Variants in SLC25A4 observed in about 807,000 individuals in gnomAD.
SLC25A4 encodes the protein solute carrier family 25 member 4, also known as ADP/ATP translocase 1.
A neutral mutation model predicts 24.7 loss-of-function variants in SLC25A4; 10 were observed. The observed-to-expected ratio is 0.41, with a 90% CI of 0.25 to 0.69. The LOEUF (loss-of-function observed/expected upper bound fraction) is 0.69. SLC25A4 is among the 30% of genes least tolerant of loss of function. The probability of loss-of-function intolerance (pLI) is 0.35; values close to 1 mark genes in which losing one functional copy is unlikely to be tolerated. For synonymous variants in SLC25A4, 125 were observed against 153.3 expected (o/e 0.82, Z 1.36); for missense variants, 273 against 387.6 (o/e 0.70, Z 2.48).
chr4:185,146,019 A>C lies in SLC25A4; in HGVS notation c.739+120A>C, dbSNP rs1734436055. The C allele has an allele frequency of 3.3e-6, 4 of 1,216,108 alleles. No individual in the cohort carries two copies. In the African/African-American group the frequency reaches 6.0e-5, roughly 18 times the overall value. 75.3% of individuals were successfully genotyped at this position (1,216,108 alleles called of 1,614,324 possible). A position where few individuals can be genotyped will look rare whatever the true frequency, so the allele number is the denominator to read the frequency against. On this transcript the variant is annotated intron_variant, in intron 3 of 3. Coordinates refer to ENST00000281456, the MANE Select transcript of SLC25A4 (RefSeq NM_001151.4). ...TTTCAAAATTATTTGATAAGGACTT[A>C]GGGAAGAAAGATGGTATTAATTCCC...
chr4:185,145,136 A>G lies in SLC25A4; in HGVS notation c.484A>G (p.Ile162Val). ...REFHGLGDCIIKIFKSDGLRG... is the reference protein window; with the variant it reads ...REFHGLGDCIVKIFKSDGLRG... ...GTTCCATGGTCTGGGCGACTGTATC[A>G]TCAAGATCTTCAAGTCTGATGGCCT... Residue 162 changes from isoleucine (I) to valine (V), a missense_variant, in exon 2 of 4, where the codon ATC becomes GTC. Ile to Val is a conservative substitution (Grantham distance 29, BLOSUM62 3). Transcript: ENST00000281456. This position sits in a 1 kb window ranked among gnomAD's most constrained non-coding sequence, Gnocchi z 5.5. The G allele has an allele frequency of 6.2e-7, 1 of 1,613,056 alleles. No homozygotes were observed. Among genetic ancestry groups the G allele is most frequent in the South Asian group, 1.1e-5 (1 of 91,044 alleles).
Position 185,147,259 on chromosome 4 carries a change from A to T in SLC25A4, c.*288A>T, listed in dbSNP as rs2111287994. 2 of 339,472 alleles carry T rather than the reference A, an allele frequency of 5.9e-6. No homozygotes were observed. The highest frequency in any genetic ancestry group is 8.5e-5 in the South Asian group (2 of 23,530). 21.0% of individuals were successfully genotyped at this position (339,472 alleles called of 1,614,324 possible). On this transcript the variant is annotated 3_prime_UTR_variant, in exon 4 of 4. Coordinates refer to ENST00000281456, the MANE Select transcript of SLC25A4 (RefSeq NM_001151.4). ...AACTGAATGTGAAACATCAATAAAG[A>T]CCACTTAATGCACGCTTTCTATTTT...
At position 185,149,171 on chromosome 4, in the gene SLC25A4, ACT is replaced by A. The variant is rs1308083772; in HGVS notation, c.*2203_*2204del. 1 of 152,122 alleles carries A rather than the reference ACT, an allele frequency of 6.6e-6. No homozygotes were observed. Among genetic ancestry groups the A allele is most frequent in the Non-Finnish European group, 1.5e-5 (1 of 68,050 alleles). 9.4% of individuals were successfully genotyped at this position (152,122 alleles called of 1,614,324 possible). Reference sequence around the variant, plus strand: ...TTGCTTTTCGTTCTAAGTGATCCAAACTCTATTGCTGATAGGGAATAAAAGCA... The same window carrying A: ...TTGCTTTTCGTTCTAAGTGATCCAAACTATTGCTGATAGGGAATAAAAGCA... On this transcript the variant is annotated 3_prime_UTR_variant, in exon 4 of 4. Transcript: ENST00000281456.
rs1734498680 is a variant in SLC25A4, at chr4:185,149,424, A to C, written c.*2453A>C. On this transcript the variant is annotated 3_prime_UTR_variant, in exon 4 of 4. Transcript: ENST00000281456. ...TCTACATTCTCTGCATGTGACCCAG[A>C]TGTCAGCCCTTCCGCTTCCTGCGAA... 1 of 152,274 alleles carries C rather than the reference A, an allele frequency of 6.6e-6. No homozygotes were observed. Among genetic ancestry groups the C allele is most frequent in the Admixed American group, 6.5e-5 (1 of 15,278 alleles). 9.4% of individuals were successfully genotyped at this position (152,274 alleles called of 1,614,324 possible).
In SLC25A4 at chr4:185,147,772, AGTTTGAGACC is replaced by A. The variant is rs1031742428; in HGVS notation, c.*802_*811del. ...GGTGGGCGTATCACTTCAGGCCAGG[AGTTTGAGACC>A]AGCCTGGCCAACCGAGCGAAACCCC... On this transcript the variant is annotated 3_prime_UTR_variant, in exon 4 of 4. Transcript: ENST00000281456. The A allele has an allele frequency of 4.6e-5, 7 of 152,244 alleles. No individual in the cohort carries two copies. Among genetic ancestry groups the A allele is most frequent in the African/African-American group, 1.7e-4 (7 of 41,516 alleles). 9.4% of individuals were successfully genotyped at this position (152,244 alleles called of 1,614,324 possible). A position where few individuals can be genotyped will look rare whatever the true frequency, so the allele number is the denominator to read the frequency against.
chr4:185,145,575 G>C lies in SLC25A4; in HGVS notation c.599-184G>C. 1.4e-6 allele frequency: 1 copy of C among 730,212 alleles called. No homozygotes were observed. Among genetic ancestry groups the C allele is most frequent in the Non-Finnish European group, 2.2e-6 (1 of 451,384 alleles). The allele number at this position is 730,212 out of a possible 1,614,324, so 45.2% of individuals were successfully genotyped here. ...TACAAGCTGAGCACTGCCCCTCCGGGGTCCGGAGAGGGCAGCAGCCACCTT... is the reference window on the plus strand; with the variant it reads ...TACAAGCTGAGCACTGCCCCTCCGGCGTCCGGAGAGGGCAGCAGCCACCTT... On this transcript the variant is annotated intron_variant, in intron 2 of 3. Coordinates refer to ENST00000281456, the MANE Select transcript of SLC25A4 (RefSeq NM_001151.4). The surrounding 1 kb of genome is among the most constrained non-coding windows in gnomAD (Gnocchi z 5.5).
In SLC25A4 at chr4:185,145,639, G is replaced by A. The variant is rs1734428604; in HGVS notation, c.599-120G>A. 2 of 1,263,708 alleles carry A rather than the reference G, an allele frequency of 1.6e-6. No homozygotes were observed. Among genetic ancestry groups the A allele is most frequent in the Non-Finnish European group, 2.2e-6 (2 of 892,468 alleles). 78.3% of individuals were successfully genotyped at this position (1,263,708 alleles called of 1,614,324 possible). ...GTCATATGTGAAGCACCTGCACAGG[G>A]GCAGGTTCCCCGCAAGGTCAGAGCA... is the stretch of plus-strand genomic sequence containing the variant. On this transcript the variant is annotated intron_variant, in intron 2 of 3. Transcript: ENST00000281456. This position sits in a 1 kb window ranked among gnomAD's most constrained non-coding sequence, Gnocchi z 5.5.
At chr4:185,143,623 GCCC>G (rs1734386498) in intron 1 of SLC25A4, 140 bp downstream of exon 1, 1 of 80,880 alleles carries the variant, frequency 1.2e-5, no homozygotes, top group East Asian at 2.8e-4. Flanking sequence ...CCGCCCGCCC[GCCC>G]GCCCGCGGGG....
chr4:185,143,799 C>T (rs1352199183), intron 1 of SLC25A4, among the ~76,000 whole-genome samples: 1 of 152,050 alleles, frequency 6.6e-6, no homozygotes, highest in Non-Finnish European at 1.5e-5. Context: ...CACTCAGGCC[C>T]GGAGGCACCT....
At position 185,148,325 on chromosome 4, in the gene SLC25A4, G is replaced by C. The variant is rs1734479775; in HGVS notation, c.*1354G>C. On this transcript the variant is annotated 3_prime_UTR_variant, in exon 4 of 4. Transcript: ENST00000281456. ...CACTTTGGGGGTTAAGATTTCAACA[G>C]ATGAATTTTGAAGGGACACAAACAT... 6.6e-6 allele frequency: 1 copy of C among 152,116 alleles called. No homozygotes were observed. Among genetic ancestry groups the C allele is most frequent in the African/African-American group, 2.4e-5 (1 of 41,412 alleles). 9.4% of individuals were successfully genotyped at this position (152,116 alleles called of 1,614,324 possible).
Position 185,145,328 on chromosome 4 carries a change from G to GAT in SLC25A4, c.598+85_598+86dup, listed in dbSNP as rs1430160441. The stretch of plus-strand genomic sequence containing the variant: ...GGGATCTATAACTCACAAAGGACCT[G>GAT]ATATATATTGATCTTGTTTTTTCTA... On this transcript the variant is annotated intron_variant, in intron 2 of 3. Coordinates refer to ENST00000281456, the MANE Select transcript of SLC25A4 (RefSeq NM_001151.4). The surrounding 1 kb of genome is among the most constrained non-coding windows in gnomAD (Gnocchi z 5.5). 1 of 1,599,680 alleles carries GAT rather than the reference G, an allele frequency of 6.3e-7. No homozygotes were observed. The highest frequency in any genetic ancestry group is 2.2e-5 in the East Asian group (1 of 44,846).
rs983915864 is a variant in SLC25A4 at position 185,148,227 on chromosome 4, C to T, written c.*1256C>T. 1 of 151,920 alleles carries T rather than the reference C, an allele frequency of 6.6e-6. No homozygotes were observed. The highest frequency in any genetic ancestry group is 2.4e-5 in the African/African-American group (1 of 41,354). 9.4% of individuals were successfully genotyped at this position (151,920 alleles called of 1,614,324 possible). A position where few individuals can be genotyped will look rare whatever the true frequency, so the allele number is the denominator to read the frequency against. On this transcript the variant is annotated 3_prime_UTR_variant, in exon 4 of 4. Transcript: ENST00000281456. ...CTCTCTGTAGTCCCTTTTATAAGCT[C>T]ACTAATCCCATTCATGAGGGCCCTA...
chr4:185,147,468 T>G lies in SLC25A4; in HGVS notation c.*497T>G, dbSNP rs562129249. 4.3e-4 allele frequency: 71 copies of G among 164,452 alleles called. 2 individuals carry two copies. The South Asian group carries it at 0.012, about 27-fold the overall frequency. 10.2% of individuals were successfully genotyped at this position (164,452 alleles called of 1,614,324 possible). ...TCAAACTTAGGCAGGTCATATTCTA[T>G]CTATCTTATCCAGCATTACTGTAGG... On this transcript the variant is annotated 3_prime_UTR_variant, in exon 4 of 4. Coordinates refer to ENST00000281456, the MANE Select transcript of SLC25A4 (RefSeq NM_001151.4).
Position 185,146,965 on chromosome 4 carries a change from T to C in SLC25A4, c.891T>C (p.Tyr297=), listed in dbSNP as rs1231747002. ...VLVLYDEIKK[Y]V ...TGTTGTATGATGAGATCAAAAAATA[T>C]GTCTAATGTAATTAAAACACAAGTT... The change falls in exon 4 of 4, where the codon TAT becomes TAC. Residue 297 remains tyrosine, a synonymous_variant. Coordinates refer to ENST00000281456, the MANE Select transcript of SLC25A4 (RefSeq NM_001151.4). 1.9e-6 allele frequency: 3 copies of C among 1,613,908 alleles called. No homozygotes were observed. The highest frequency in any genetic ancestry group is 2.5e-6 in the Non-Finnish European group (3 of 1,179,828).
In SLC25A4 at chr4:185,145,918, C is replaced by T. The variant is rs766808647; in HGVS notation, c.739+19C>T. 1.3e-5 allele frequency: 21 copies of T among 1,613,970 alleles called. No individual in the cohort carries two copies. In the South Asian group the frequency reaches 2.2e-4, roughly 17 times the overall value. ...AAAGGGGGTAAGCTTGTGCTCTACT[C>T]ATCTAAACTTGTTTGGTTTTGCCCG... On this transcript the variant is annotated intron_variant, in intron 3 of 3. Coordinates refer to ENST00000281456, the MANE Select transcript of SLC25A4 (RefSeq NM_001151.4). This position sits in a 1 kb window ranked among gnomAD's most constrained non-coding sequence, Gnocchi z 5.5.
chr4:185,145,685 C>G lies in SLC25A4; in HGVS notation c.599-74C>G. The G allele has an allele frequency of 2.5e-6, 4 of 1,574,154 alleles. No homozygotes were observed. Among genetic ancestry groups the G allele is most frequent in the Non-Finnish European group, 3.5e-6 (4 of 1,147,548 alleles). On this transcript the variant is annotated intron_variant, in intron 2 of 3. Coordinates refer to ENST00000281456, the MANE Select transcript of SLC25A4 (RefSeq NM_001151.4). This position sits in a 1 kb window ranked among gnomAD's most constrained non-coding sequence, Gnocchi z 5.5. Reference sequence around the variant, plus strand: ...GAGCATGGAGCTGGAGGTGCAGTGGCCTCTCTCCCTCCACCTGCTTTCTGC... The same window carrying G: ...GAGCATGGAGCTGGAGGTGCAGTGGGCTCTCTCCCTCCACCTGCTTTCTGC...
chr4:185,144,690 CTTTT>C (rs34795113), intron 1 of SLC25A4, 70 bp from the exon 2 acceptor site: 1 of 1,383,406 alleles, frequency 7.2e-7, no homozygotes, highest in African/African-American at 1.4e-5. Context: ...AAGTGCAAAC[CTTTT>C]TTTTTCTCCT....
Position 185,145,663 on chromosome 4 carries a change from C to T in SLC25A4, c.599-96C>T, listed in dbSNP as rs1321223311. ...GGGCAGGTTCCCCGCAAGGTCAGAG[C>T]ATGGAGCTGGAGGTGCAGTGGCCTC... On this transcript the variant is annotated intron_variant, in intron 2 of 3. Transcript: ENST00000281456. This position sits in a 1 kb window ranked among gnomAD's most constrained non-coding sequence, Gnocchi z 5.5. 1.0e-5 allele frequency: 15 copies of T among 1,481,272 alleles called. No individual in the cohort carries two copies. Among genetic ancestry groups the T allele is most frequent in the Non-Finnish European group, 1.4e-5 (15 of 1,071,454 alleles). 91.8% of individuals were successfully genotyped at this position (1,481,272 alleles called of 1,614,324 possible).
At chr4:185,146,403 C>T (rs1403802713) in intron 3 of SLC25A4, among the ~76,000 whole-genome samples, 3 of 152,200 alleles carry the variant, frequency 2.0e-5, no homozygotes, top group Non-Finnish European at 4.4e-5. Context: ...TTAGCAGTTT[C>T]GTATGTTTCA....
Sources: allele counts gnomAD v4.1 joint callset (sites outside exome capture counted in the v4.1 genomes callset), GRCh38; gene constraint gnomAD v4.1.1; non-coding constraint Gnocchi (gnomAD v3.1); transcripts MANE v1.5; gene names NCBI Gene and HGNC (gene_info 2026-07-23, HGNC 2026-07-21).